The following VOPP1 variants were observed in gnomAD, a reference collection of about 807,000 sequenced individuals.
VOPP1 encodes VOPP1 WW domain binding protein, also known as WW domain binding protein VOPP1.
In VOPP1, 8 loss-of-function variants were observed where a neutral mutation model predicts 23.5. That is an observed-to-expected ratio of 0.34 (90% confidence interval 0.20 to 0.61). The LOEUF (loss-of-function observed/expected upper bound fraction) is 0.61. Ranked by LOEUF, VOPP1 falls within the 20% of genes least tolerant of loss-of-function variation. The probability of loss-of-function intolerance (pLI) is 0.78; values close to 1 mark genes in which losing one functional copy is unlikely to be tolerated. For synonymous variants in VOPP1, 83 were observed against 97.3 expected (o/e 0.85, Z 0.86); for missense variants, 174 against 238.1 (o/e 0.73, Z 1.77).
chr7:55,533,968 C>G (rs371999202), intron 1 of VOPP1, among the ~76,000 whole-genome samples: 39 of 152,104 alleles, frequency 2.6e-4, no homozygotes, highest in African/African-American at 8.2e-4. Flanking sequence ...AACTCTGCCT[C>G]AGTGTTGTAA....
At chr7:55,516,871 T>C (rs973346231) in intron 2 of VOPP1, among the ~76,000 whole-genome samples, 6 of 140,864 alleles carry the variant, frequency 4.3e-5, no homozygotes, top group African/African-American at 1.6e-4. Context: ...ATGTAGAATA[T>C]ACTAGAAATG....
chr7:55,552,021 CAAAAAAAAAAA>C (rs202229227), intron 1 of VOPP1, among the ~76,000 whole-genome samples: 17 of 55,808 alleles, frequency 3.0e-4, no homozygotes, highest in South Asian at 9.7e-4. Flanking sequence ...AGACTGTGTC[CAAAAAAAAAAA>C]AAAAAAAAAA....
chr7:55,505,236 C>T (rs899222691), intron 2 of VOPP1, among the ~76,000 whole-genome samples: 3 of 152,158 alleles, frequency 2.0e-5, no homozygotes, highest in African/African-American at 7.2e-5. Flanking sequence ...AGAATGGCCA[C>T]GTGCAATAAT....
chr7:55,470,191 A>T (rs2691850), downstream of VOPP1, among the ~76,000 whole-genome samples: 104 of 152,356 alleles, frequency 6.8e-4, no homozygotes, highest in African/African-American at 2.4e-3. Flanking sequence ...AAACGCAGTG[A>T]GACCCCATCT....
intron 4 of VOPP1, among the ~76,000 whole-genome samples, chr7:55,447,080 T>C (rs914644972): frequency 6.6e-6 from 1 of 152,150 alleles, no homozygotes; most frequent in African/African-American, 2.4e-5. Flanking sequence ...CCCCAGGGGC[T>C]CCAGTGTGGA....
At chr7:55,531,672 T>C (rs964357297) in intron 1 of VOPP1, among the ~76,000 whole-genome samples, 2 of 152,142 alleles carry the variant, frequency 1.3e-5, no homozygotes, top group African/African-American at 4.8e-5. Flanking sequence ...TTTTTTGATG[T>C]AATTGCAGAG....
At chr7:55,552,895 C>T (rs544613929) in intron 1 of VOPP1, 38 of 1,254,236 alleles carry the variant, frequency 3.0e-5, no homozygotes, top group South Asian at 2.3e-4. Context: ...CTCCTGAACC[C>T]GAAGAAAAAA....
rs1239044169 is a variant in VOPP1, at chr7:55,492,409, C to G, written c.201G>C (p.Leu67=). The change falls in exon 4 of 5, where the codon CTG becomes CTC. Residue 67 remains leucine (L), a synonymous_variant. Transcript: ENST00000285279. Reference sequence around the variant, plus strand: ...CGCAGCAGAAAAGCACGCCCATCATCAGAAGGAACCTGAGGAGAGTACAGA... The same window carrying G: ...CGCAGCAGAAAAGCACGCCCATCATGAGAAGGAACCTGAGGAGAGTACAGA... The part of the protein sequence containing the change: ...IQRLWYFWFL[L]MMGVLFCCGA... 1 of 1,610,890 alleles carries G rather than the reference C, an allele frequency of 6.2e-7. No homozygotes were observed. The highest frequency in any genetic ancestry group is 2.2e-5 in the East Asian group (1 of 44,822).
At chr7:55,445,108 T>TA (rs1471153069) in intron 4 of VOPP1, among the ~76,000 whole-genome samples, 1 of 152,232 alleles carries the variant, frequency 6.6e-6, no homozygotes. Context: ...GGAAGATGTA[T>TA]CTTGCATAAC....
chr7:55,541,972 C>T (rs913105838), intron 1 of VOPP1, among the ~76,000 whole-genome samples: 1 of 152,102 alleles, frequency 6.6e-6, no homozygotes, highest in Non-Finnish European at 1.5e-5. Flanking sequence ...ACAAAATATT[C>T]CAAAATTGGA....
chr7:55,524,147 T>C (rs1405111082), intron 1 of VOPP1, among the ~76,000 whole-genome samples: 1 of 152,194 alleles, frequency 6.6e-6, no homozygotes, highest in African/African-American at 2.4e-5. Flanking sequence ...CATCCTACTC[T>C]TCTTCCCGCA....
chr7:55,569,668 AC>A (rs1248236969), intron 1 of VOPP1, among the ~76,000 whole-genome samples: 1 of 152,242 alleles, frequency 6.6e-6, no homozygotes, highest in Non-Finnish European at 1.5e-5. Context: ...CCTGGCAGTT[AC>A]CCTGGAGCAC....
At chr7:55,446,587 A>G (rs1791107400) in intron 4 of VOPP1, among the ~76,000 whole-genome samples, 1 of 152,228 alleles carries the variant, frequency 6.6e-6, no homozygotes, top group Admixed American at 6.5e-5. Flanking sequence ...CCACACCCAT[A>G]GAGGTTCAAA....
At chr7:55,451,745 C>A (rs919344493) in intron 4 of VOPP1, among the ~76,000 whole-genome samples, 1 of 152,200 alleles carries the variant, frequency 6.6e-6, no homozygotes, top group Non-Finnish European at 1.5e-5. Context: ...GAGCCAAGAT[C>A]GTGCCGCTGC....
Position 55,571,919 on chromosome 7 carries a change from C to G in VOPP1, c.54+352G>C, listed in dbSNP as rs541359602. ...GCCCGAGGACCACCCCCGCCCAACC[C>G]CGGGTCCATCCGATCCTCGGCCCTC... On this transcript the variant is annotated intron_variant, in intron 1 of 4. Coordinates refer to ENST00000285279, the MANE Select transcript of VOPP1 (RefSeq NM_030796.5). The G allele has an allele frequency of 7.3e-5, 16 of 218,988 alleles. 2 individuals are homozygous for G. In the South Asian group the frequency reaches 1.8e-3, roughly 25 times the overall value. The allele number at this position is 218,988 out of a possible 1,614,324, so 13.6% of individuals were successfully genotyped here.
intron 1 of VOPP1, among the ~76,000 whole-genome samples, chr7:55,557,426 GAA>G (rs1334103197): frequency 6.7e-6 from 1 of 148,590 alleles, no homozygotes; most frequent in Non-Finnish European, 1.5e-5. Flanking sequence ...AATAAGGTTG[GAA>G]AGTTTTAAAA....
At chr7:55,439,113 C>A (rs962079293) in intron 4 of VOPP1, among the ~76,000 whole-genome samples, 1 of 151,948 alleles carries the variant, frequency 6.6e-6, no homozygotes. Context: ...GTGATGGAGG[C>A]GTCACTTTGG....
At chr7:55,439,223 G>A (rs1790905011) in intron 4 of VOPP1, among the ~76,000 whole-genome samples, 1 of 152,106 alleles carries the variant, frequency 6.6e-6, no homozygotes, top group South Asian at 2.1e-4. Flanking sequence ...ACACAGCCCT[G>A]GGCCACAGCA....
At chr7:55,518,642 A>T (rs375735519) in intron 2 of VOPP1, among the ~76,000 whole-genome samples, 1 of 152,196 alleles carries the variant, frequency 6.6e-6, no homozygotes, top group African/African-American at 2.4e-5. Flanking sequence ...CATGGTGGGA[A>T]CTGCAAGGAA....
Sources: allele counts gnomAD v4.1 joint callset (sites outside exome capture counted in the v4.1 genomes callset), GRCh38; gene constraint gnomAD v4.1.1; transcripts MANE v1.5; gene names NCBI Gene and HGNC (gene_info 2026-07-23, HGNC 2026-07-21).